Variants in GLRA3 observed in about 807,000 individuals in gnomAD.
The protein encoded by GLRA3 is glycine receptor subunit alpha-3.
In GLRA3, 44 loss-of-function variants were observed where a neutral mutation model predicts 60.4. The ratio of observed to expected loss-of-function variants is 0.73; its 90% CI spans 0.57 to 0.94. The LOEUF is 0.94. Among genes scored for constraint, GLRA3 ranks in the 40% least tolerant of loss-of-function variants. The probability of loss-of-function intolerance (pLI) is 0.00; values close to 1 mark genes in which losing one functional copy is unlikely to be tolerated. For synonymous variants in GLRA3, 223 were observed against 192.9 expected, an observed-to-expected ratio of 1.16 and a Z score of -1.29; for missense variants, 508 against 564.6, an observed-to-expected ratio of 0.90 and a Z score of 1.02.
rs907640734 is a variant in GLRA3, at chr4:174,679,447, T to C, written c.713-2155A>G. Among the ~76,000 whole-genome samples the C allele has an allele frequency of 4.6e-5, 7 of 152,110 alleles. No individual in the cohort carries two copies. The East Asian group carries it at 1.2e-3, about 25-fold the overall frequency. On this transcript the variant is annotated intron_variant, in intron 6 of 9. Coordinates refer to ENST00000274093, the MANE Select transcript of GLRA3 (RefSeq NM_006529.4). ...GAGAAAGGGGAACACTTGTACACCA[T>C]TGGTGGGAATATAGATTAGTCCAGC...
intron 4 of GLRA3, among the ~76,000 whole-genome samples, chr4:174,720,127 A>G (rs1004778797): frequency 3.3e-5 from 5 of 152,202 alleles, no homozygotes; most frequent in African/African-American, 1.2e-4. Context: ...ATGCCTCTGT[A>G]CTACGAGTAG....
intron 1 of GLRA3, among the ~76,000 whole-genome samples, chr4:174,821,672 T>C (rs1215628339): frequency 6.6e-6 from 1 of 152,140 alleles, no homozygotes; most frequent in Non-Finnish European, 1.5e-5. Flanking sequence ...ATGAAAAAAG[T>C]TGAGAAATAT....
intron 7 of GLRA3, among the ~76,000 whole-genome samples, chr4:174,671,428 A>G (rs1733903871): frequency 6.6e-6 from 1 of 152,164 alleles, no homozygotes; most frequent in African/African-American, 2.4e-5. Flanking sequence ...CTAATTAGCT[A>G]TGAACACAAC....
At position 174,681,064 on chromosome 4, in the gene GLRA3, C is replaced by T. The variant is rs1270680256; in HGVS notation, c.712+1738G>A. ...TTTTATTCTCTACATAATTTGGGCA[C>T]GTTATTTTGCTTCTGGACAGTACAG... On this transcript the variant is annotated intron_variant, in intron 6 of 9. Coordinates refer to ENST00000274093, the MANE Select transcript of GLRA3 (RefSeq NM_006529.4). Among the ~76,000 whole-genome samples the T allele has an allele frequency of 2.6e-5, 4 of 152,220 alleles. No individual in the cohort carries two copies. In the East Asian group the frequency reaches 7.7e-4, roughly 29 times the overall value.
intron 9 of GLRA3, among the ~76,000 whole-genome samples, chr4:174,649,366 A>G (rs1732949660): frequency 6.6e-6 from 1 of 152,232 alleles, no homozygotes; most frequent in Non-Finnish European, 1.5e-5. Flanking sequence ...AGATATACTC[A>G]GTAGGTGGCA....
At chr4:174,817,115 G>A (rs1333592711) in intron 1 of GLRA3, among the ~76,000 whole-genome samples, 1 of 152,206 alleles carries the variant, frequency 6.6e-6, no homozygotes, top group African/African-American at 2.4e-5. Flanking sequence ...AAGAAGTTCA[G>A]CATGCCACTT....
chr4:174,723,264 T>C (rs1205012890), intron 4 of GLRA3, among the ~76,000 whole-genome samples: 1 of 152,146 alleles, frequency 6.6e-6, no homozygotes, highest in East Asian at 1.9e-4. Flanking sequence ...TTAGTACAAC[T>C]GTCATCTTGA....
chr4:174,665,802 G>A (rs1037495251), intron 7 of GLRA3, among the ~76,000 whole-genome samples: 3 of 152,006 alleles, frequency 2.0e-5, no homozygotes, highest in Non-Finnish European at 4.4e-5. Context: ...GTTCTTTATG[G>A]TAAAGGCTCT....
intron 6 of GLRA3, among the ~76,000 whole-genome samples, chr4:174,681,722 G>A (rs752653648): frequency 6.6e-6 from 1 of 152,080 alleles, no homozygotes; most frequent in Non-Finnish European, 1.5e-5. Flanking sequence ...TTAAGACACC[G>A]TTTGTGATAG....
chr4:174,718,574 T>C (rs1473485236), intron 4 of GLRA3, among the ~76,000 whole-genome samples: 3 of 152,206 alleles, frequency 2.0e-5, no homozygotes, highest in Non-Finnish European at 4.4e-5. Context: ...CAACCACTAG[T>C]TGAATTAAAA....
chr4:174,708,154 A>T (rs1579482989), intron 5 of GLRA3, among the ~76,000 whole-genome samples: 2 of 152,308 alleles, frequency 1.3e-5, no homozygotes, highest in East Asian at 3.9e-4. Flanking sequence ...TATTTTGAAC[A>T]GTATCCAAAC....
chr4:174,771,605 G>T (rs756411623), intron 2 of GLRA3, among the ~76,000 whole-genome samples: 2 of 152,050 alleles, frequency 1.3e-5, no homozygotes, highest in African/African-American at 2.4e-5. Flanking sequence ...ATGCTGATGG[G>T]GTACAGCCAT....
At chr4:174,781,177 A>T (rs546418654) in intron 2 of GLRA3, among the ~76,000 whole-genome samples, 1 of 152,138 alleles carries the variant, frequency 6.6e-6, no homozygotes, top group Non-Finnish European at 1.5e-5. Context: ...AAACCGCTCA[A>T]CTACATAGAA....
chr4:174,826,299 A>T (rs975798888), intron 1 of GLRA3, among the ~76,000 whole-genome samples: 3 of 152,200 alleles, frequency 2.0e-5, no homozygotes, highest in Non-Finnish European at 4.4e-5. Context: ...AATCATATAA[A>T]CATAATGCTT....
intron 7 of GLRA3, among the ~76,000 whole-genome samples, chr4:174,676,842 AT>A (rs1734139157): frequency 6.6e-6 from 1 of 152,170 alleles, no homozygotes; most frequent in South Asian, 2.1e-4. Flanking sequence ...TATTATTGAT[AT>A]TTAAATAATT....
At chr4:174,676,929 T>C in intron 7 of GLRA3, 149 bp downstream of exon 7, 1 of 564,652 alleles carries the variant, frequency 1.8e-6, no homozygotes. Context: ...CTGTTTTACA[T>C]GTTTTCTGCT....
chr4:174,684,825 T>C (rs1734493167), intron 5 of GLRA3, among the ~76,000 whole-genome samples: 1 of 152,068 alleles, frequency 6.6e-6, no homozygotes, highest in Admixed American at 6.6e-5. Context: ...CTGGCCAACA[T>C]GGTGAAAGCC....
chr4:174,811,233 ACT>A (rs1740261954), intron 1 of GLRA3, among the ~76,000 whole-genome samples: 1 of 147,372 alleles, frequency 6.8e-6, no homozygotes, highest in East Asian at 2.0e-4. Context: ...ATTTGCTCTG[ACT>A]CTAGCCTAGA....
At chr4:174,768,415 C>T (rs1412785311) in intron 2 of GLRA3, among the ~76,000 whole-genome samples, 1 of 152,108 alleles carries the variant, frequency 6.6e-6, no homozygotes, top group East Asian at 1.9e-4. Flanking sequence ...TTGAGTTTCT[C>T]ACTCCTCCAT....
Sources: gnomAD v4.1 joint callset for allele counts (sites outside exome capture counted in the v4.1 genomes callset) on GRCh38, gnomAD v4.1.1 for gene constraint, MANE v1.5 for transcripts, NCBI Gene and HGNC (gene_info 2026-07-23, HGNC 2026-07-21) for gene names.